The following XKR9 variants were observed in gnomAD, a reference collection of about 807,000 sequenced individuals.
XKR9 encodes XK-related protein 9.
A neutral mutation model predicts 32.0 loss-of-function variants in XKR9; 32 were observed. The ratio of observed to expected loss-of-function variants is 1.00; its 90% CI spans 0.76 to 1.34. XKR9 has a LOEUF of 1.34. Ranked by LOEUF, XKR9 falls within the 40% of genes most tolerant of loss-of-function variation. The pLI is 0.00. For missense variants in XKR9, 546 were observed against 429.7 expected (o/e 1.27, Z -2.39); for synonymous variants, 168 against 143.4 (o/e 1.17, Z -1.22).
the XKR9 span, among the ~76,000 whole-genome samples, chr8:70,932,156 AATATT>A: frequency 3.0e-4 from 46 of 151,934 alleles, no homozygotes; most frequent in African/African-American, 1.1e-3. Flanking sequence ...GATTAAGTAA[AATATT>A]ATATTGTTAT....
At chr8:70,810,226 A>C in the XKR9 span, among the ~76,000 whole-genome samples, 8 of 152,242 alleles carry the variant, frequency 5.3e-5, no homozygotes, top group Admixed American at 1.3e-4. Context: ...AATACTTTAC[A>C]GACAAGCAAA....
At chr8:70,794,351 C>G (rs1807801732), downstream of XKR9, among the ~76,000 whole-genome samples, 1 of 152,002 alleles carries the variant, frequency 6.6e-6, no homozygotes, top group South Asian at 2.1e-4. Flanking sequence ...ATTTCTTTCT[C>G]TTGCCTAATT....
intron 4 of XKR9, among the ~76,000 whole-genome samples, chr8:70,733,332 C>A (rs887406455): frequency 6.6e-6 from 1 of 151,864 alleles, no homozygotes; most frequent in African/African-American, 2.4e-5. Flanking sequence ...TCCTCCTCTC[C>A]TTCCCTTACC....
the XKR9 span, among the ~76,000 whole-genome samples, chr8:71,006,138 G>A: frequency 6.6e-6 from 1 of 152,242 alleles, no homozygotes; most frequent in Non-Finnish European, 1.5e-5. Context: ...CTGAGTGAAA[G>A]TTAAATGGCT....
chr8:70,685,812 C>T (rs1387326703), intron 3 of XKR9, among the ~76,000 whole-genome samples: 1 of 150,526 alleles, frequency 6.6e-6, no homozygotes, highest in African/African-American at 2.4e-5. Flanking sequence ...TGCAGCACAC[C>T]AGCATGGCAC....
the XKR9 span, among the ~76,000 whole-genome samples, chr8:70,978,109 A>G: frequency 6.6e-6 from 1 of 151,902 alleles, no homozygotes; most frequent in Non-Finnish European, 1.5e-5. Context: ...CCATCCCTTT[A>G]TTTTGAGCCT....
At chr8:70,828,102 TG>T in the XKR9 span, among the ~76,000 whole-genome samples, 1 of 152,340 alleles carries the variant, frequency 6.6e-6, no homozygotes, top group Non-Finnish European at 1.5e-5. Context: ...TGGGAGCAAC[TG>T]ACTGAACGAA....
intron 3 of XKR9, among the ~76,000 whole-genome samples, chr8:70,701,108 G>A (rs564542144): frequency 6.7e-4 from 102 of 152,270 alleles, no homozygotes; most frequent in African/African-American, 2.4e-3. Context: ...CTTTGACTAG[G>A]AAAGGGAACT....
chr8:70,783,689 T>C (rs147682991), intron 2 of XKR9, among the ~76,000 whole-genome samples: 4 of 152,356 alleles, frequency 2.6e-5, no homozygotes, highest in African/African-American at 9.6e-5. Flanking sequence ...TTTTCTTTGC[T>C]GTGCAGAAGC....
the XKR9 span, among the ~76,000 whole-genome samples, chr8:70,853,769 C>T: frequency 6.6e-6 from 1 of 152,088 alleles, no homozygotes; most frequent in Non-Finnish European, 1.5e-5. Context: ...TGAGTGAGAA[C>T]ATGCAGTGTT....
intron 4 of XKR9, among the ~76,000 whole-genome samples, chr8:70,715,237 A>G (rs1806050312): frequency 6.6e-6 from 1 of 152,202 alleles, no homozygotes. Context: ...TGCTTAAACT[A>G]AATGTAGTCT....
chr8:71,019,225 G>C, the XKR9 span, among the ~76,000 whole-genome samples: 1 of 152,220 alleles, frequency 6.6e-6, no homozygotes, highest in East Asian at 1.9e-4. Context: ...AGATTTGGTT[G>C]GTTAAGAAAC....
At chr8:71,011,360 A>T in the XKR9 span, among the ~76,000 whole-genome samples, 1 of 152,168 alleles carries the variant, frequency 6.6e-6, no homozygotes, top group Admixed American at 6.5e-5. Context: ...CTTCAGCTTT[A>T]ATTTATTCCC....
the XKR9 span, among the ~76,000 whole-genome samples, chr8:71,029,761 C>T: frequency 6.6e-6 from 1 of 151,708 alleles, no homozygotes; most frequent in Non-Finnish European, 1.5e-5. Flanking sequence ...TTGTATCATG[C>T]TCTGGATGAG....
At chr8:70,706,236 T>A (rs1285936778) in intron 3 of XKR9, among the ~76,000 whole-genome samples, 2 of 152,186 alleles carry the variant, frequency 1.3e-5, no homozygotes, top group Non-Finnish European at 2.9e-5. Flanking sequence ...TTTTTTTTGT[T>A]ATCGATTTTA....
chr8:70,854,915 G>A, the XKR9 span, among the ~76,000 whole-genome samples: 3 of 152,066 alleles, frequency 2.0e-5, no homozygotes, highest in Non-Finnish European at 4.4e-5. Flanking sequence ...TGCTGTTTTG[G>A]TTACCGTAGC....
the XKR9 span, among the ~76,000 whole-genome samples, chr8:70,877,472 A>G: frequency 6.6e-6 from 1 of 152,212 alleles, no homozygotes; most frequent in East Asian, 1.9e-4. Context: ...GATTTACTCA[A>G]GATCACTTGG....
the XKR9 span, among the ~76,000 whole-genome samples, chr8:70,840,168 A>C: frequency 6.6e-6 from 1 of 152,130 alleles, no homozygotes; most frequent in African/African-American, 2.4e-5. Context: ...CTGTACCTCC[A>C]TGATCTTCTG....
chr8:70,734,142 A>T lies in XKR9; in HGVS notation c.840A>T (p.Gly280=). 1 of 1,612,570 alleles carries T rather than the reference A, an allele frequency of 6.2e-7. No homozygotes were observed. Among genetic ancestry groups the T allele is most frequent in the Non-Finnish European group, 8.5e-7 (1 of 1,178,966 alleles). Residue 280 remains glycine (G), a synonymous_variant, in exon 5 of 5, where the codon GGA becomes GGT. Coordinates refer to ENST00000408926, the MANE Select transcript of XKR9 (RefSeq NM_001011720.2). ...TCTTTACATTTTTTAATATTAAGGG[A>T]CAGAATACCAAGTGTCCAATGTCTT... ...ILIFTFFNIK[G]QNTKCPMSCY...
Sources: gnomAD v4.1 joint callset for allele counts (sites outside exome capture counted in the v4.1 genomes callset) on GRCh38, gnomAD v4.1.1 for gene constraint, MANE v1.5 for transcripts, NCBI Gene and HGNC (gene_info 2026-07-23, HGNC 2026-07-21) for gene names.